The following INSR variants were observed in gnomAD, a reference collection of about 807,000 sequenced individuals.
The protein encoded by INSR is insulin receptor.
In INSR, 67 loss-of-function variants were observed where a neutral mutation model predicts 142.6. The observed-to-expected ratio is 0.47, with a 90% CI of 0.39 to 0.58. INSR has a LOEUF of 0.58. Ranked by LOEUF, INSR falls within the 20% of genes least tolerant of loss-of-function variation. INSR has a pLI of 0.00. For missense variants in INSR, 1,248 were observed against 1,833.2 expected, an observed-to-expected ratio of 0.68 and a Z score of 5.83; for synonymous variants, 756 against 743.1, an observed-to-expected ratio of 1.02 and a Z score of -0.28.
intron 2 of INSR, among the ~76,000 whole-genome samples, chr19:7,238,617 CAA>C (rs796144540): frequency 0.013 from 866 of 68,988 alleles, 3 homozygotes; most frequent in African/African-American, 0.046. Flanking sequence ...TGCTCCATCT[CAA>C]AAAAAAAAAA....
chr19:7,286,612 T>G (rs1968350800), intron 1 of INSR, among the ~76,000 whole-genome samples: 1 of 151,766 alleles, frequency 6.6e-6, no homozygotes, highest in African/African-American at 2.4e-5. Flanking sequence ...GGTCTCAAAC[T>G]GCTGGCTTCA....
intron 17 of INSR, among the ~76,000 whole-genome samples, chr19:7,124,149 G>A (rs1055384404): frequency 1.3e-5 from 2 of 151,322 alleles, no homozygotes; most frequent in South Asian, 2.1e-4. Context: ...GGATCACGAG[G>A]TCAGGAGTTC....
intron 3 of INSR, among the ~76,000 whole-genome samples, chr19:7,175,825 C>A (rs1039799885): frequency 5.1e-4 from 75 of 147,458 alleles, no homozygotes; most frequent in Non-Finnish European, 8.8e-4. Flanking sequence ...CACAGTCAGA[C>A]TCCATCTCAA....
In INSR at chr19:7,152,931, GAGAA is replaced by G. The variant is rs770748972; in HGVS notation, c.2030-8_2030-5del. The G allele has an allele frequency of 1.6e-5, 25 of 1,608,516 alleles. No individual in the cohort carries two copies. The Middle Eastern group carries it at 6.5e-4, about 42-fold the overall frequency. On this transcript the variant is annotated splice_polypyrimidine_tract_variant and splice_region_variant and intron_variant, in intron 9 of 21. Transcript: ENST00000302850. ...GTCCTCGAGGGCAGCTTCAGCCCTGGAGAAAGAAACAGAAAAGGGGGGCTCAAGT... is the reference window on the plus strand; with the variant it reads ...GTCCTCGAGGGCAGCTTCAGCCCTGGAGAAACAGAAAAGGGGGGCTCAAGT...
At chr19:7,124,256 C>A (rs1972566700) in intron 17 of INSR, among the ~76,000 whole-genome samples, 1 of 151,204 alleles carries the variant, frequency 6.6e-6, no homozygotes, top group Non-Finnish European at 1.5e-5. Context: ...GCAGTCCCAG[C>A]TACTCGGGAG....
chr19:7,249,723 T>A (rs1015282355), intron 2 of INSR, among the ~76,000 whole-genome samples: 1 of 152,078 alleles, frequency 6.6e-6, no homozygotes, highest in Non-Finnish European at 1.5e-5. Context: ...CTGGGCGCGG[T>A]GGCTCACGCC....
intron 15 of INSR, 81 bp from the exon 16 acceptor site, chr19:7,126,732 G>A: frequency 8.0e-7 from 1 of 1,254,982 alleles, no homozygotes; most frequent in South Asian, 1.3e-5. Flanking sequence ...GACTCCCCAA[G>A]GCAAATGGCA....
rs564337126 is a variant in INSR at position 7,253,216 on chromosome 19, T to A, written c.652+14129A>T. The stretch of plus-strand genomic sequence containing the variant: ...CTACCACATGCCCTACAGTGTAATT[T>A]TTTATTTATTTATTTGTTTATTTAT... On this transcript the variant is annotated intron_variant, in intron 2 of 21. Coordinates refer to ENST00000302850, the MANE Select transcript of INSR (RefSeq NM_000208.4). Among the ~76,000 whole-genome samples the A allele has an allele frequency of 8.4e-5, 12 of 143,008 alleles. No individual in the cohort carries two copies. The South Asian group carries it at 1.6e-3, about 19-fold the overall frequency. 93.8% of individuals were successfully genotyped at this position (143,008 alleles called of 152,430 possible). A position where few individuals can be genotyped will look rare whatever the true frequency, so the allele number is the denominator to read the frequency against.
In INSR at chr19:7,159,997, C is replaced by T. The variant is rs1973706845; in HGVS notation, c.2029+3035G>A. On this transcript the variant is annotated intron_variant, in intron 9 of 21. Coordinates refer to ENST00000302850, the MANE Select transcript of INSR (RefSeq NM_000208.4). This position sits in a 1 kb window ranked among gnomAD's most constrained non-coding sequence, Gnocchi z 4.3. ...AATACATCAAGATGCACAAGGAAAC[C>T]AAAACTAAAGAAGGAAATGGGCCCA... 1.3e-5 allele frequency among the ~76,000 whole-genome samples: 2 copies of T among 151,976 alleles called. No homozygotes were observed. Among genetic ancestry groups the T allele is most frequent in the Admixed American group, 6.6e-5 (1 of 15,224 alleles).
chr19:7,124,541 GA>G lies in INSR; in HGVS notation c.3258+741del, dbSNP rs531613079. Among the ~76,000 whole-genome samples the G allele has an allele frequency of 2.0e-4, 2 of 9,924 alleles. 1 individual carries two copies. The highest frequency in any genetic ancestry group is 3.3e-4 in the Non-Finnish European group (2 of 6,074). The allele number at this position is 9,924 out of a possible 152,430, so 6.5% of individuals were successfully genotyped here. ...ACAACAAAGCGAGACTCCGTTTCAG[GA>G]AAAAAAAAAAAAAAAAAAAAAAAAA... On this transcript the variant is annotated intron_variant, in intron 17 of 21. Transcript: ENST00000302850.
At chr19:7,217,784 C>G (rs924341676) in intron 2 of INSR, among the ~76,000 whole-genome samples, 2 of 152,232 alleles carry the variant, frequency 1.3e-5, no homozygotes, top group African/African-American at 4.8e-5. Context: ...TGGTCTCGAT[C>G]TCCTGACCTC....
intron 14 of INSR, among the ~76,000 whole-genome samples, chr19:7,131,872 A>ATG (rs1305784345): frequency 1.3e-5 from 2 of 150,958 alleles, no homozygotes; most frequent in Non-Finnish European, 3.0e-5. Context: ...GGTGGTGGGC[A>ATG]CCTGTAGTCC....
At chr19:7,151,251 T>C (rs565592829) in intron 10 of INSR, among the ~76,000 whole-genome samples, 1 of 148,826 alleles carries the variant, frequency 6.7e-6, no homozygotes, top group Admixed American at 6.8e-5. Flanking sequence ...CCTCCCTCCC[T>C]CCATTCCTTT....
intron 2 of INSR, among the ~76,000 whole-genome samples, chr19:7,214,434 A>G (rs1975370149): frequency 6.6e-6 from 1 of 152,200 alleles, no homozygotes; most frequent in Admixed American, 6.5e-5. Flanking sequence ...TTAAAGTTAA[A>G]AGTTAAAAGC....
chr19:7,204,423 G>A (rs1170902005), intron 2 of INSR, among the ~76,000 whole-genome samples: 1 of 152,074 alleles, frequency 6.6e-6, no homozygotes, highest in African/African-American at 2.4e-5. Context: ...CATGCCAGGA[G>A]CCTCATGGCC....
At chr19:7,162,925 G>A (rs1415513845) in intron 9 of INSR, 107 bp downstream of exon 9, 26 of 1,026,840 alleles carry the variant, frequency 2.5e-5, no homozygotes, top group South Asian at 6.4e-5. Context: ...TGTGCCTTCC[G>A]ACACTGAGAC....
chr19:7,122,833 C>T (rs140583655), intron 18 of INSR, 46 bp downstream of exon 18: 45 of 1,611,808 alleles, frequency 2.8e-5, no homozygotes, highest in Middle Eastern at 1.7e-4. Context: ...AGGCCAGGAG[C>T]GGGTGCTCCA....
chr19:7,268,388 C>A (rs1255411319), intron 1 of INSR: 3 of 973,654 alleles, frequency 3.1e-6, no homozygotes, highest in Non-Finnish European at 2.4e-6. Context: ...TCCTGACCTG[C>A]AATCAAGACC....
intron 2 of INSR, among the ~76,000 whole-genome samples, chr19:7,241,787 C>T (rs1456310462): frequency 2.0e-5 from 3 of 152,014 alleles, no homozygotes; most frequent in African/African-American, 7.2e-5. Context: ...ACAGGGCAGT[C>T]CCCACCACGG....
Sources: gnomAD v4.1 joint callset for allele counts (sites outside exome capture counted in the v4.1 genomes callset) on GRCh38, gnomAD v4.1.1 for gene constraint, Gnocchi (gnomAD v3.1) non-coding constraint, MANE v1.5 for transcripts, NCBI Gene and HGNC (gene_info 2026-07-23, HGNC 2026-07-21) for gene names.